The following ZFHX3 variants were observed in gnomAD, a reference collection of about 807,000 sequenced individuals.
ZFHX3 encodes zinc finger homeobox protein 3.
A neutral mutation model predicts 279.1 loss-of-function variants in ZFHX3; 42 were observed. The ratio of observed to expected loss-of-function variants is 0.15; its 90% CI spans 0.12 to 0.19. The LOEUF (loss-of-function observed/expected upper bound fraction) is 0.19. Ranked by LOEUF, ZFHX3 falls within the 10% of genes least tolerant of loss-of-function variation. The pLI is 1.00. For synonymous variants in ZFHX3, 2,293 were observed against 1,957.8 expected (o/e 1.17, Z -4.52); for missense variants, 4,981 against 4,754.0 (o/e 1.05, Z -1.40).
chr16:73,524,872 A>G (rs1396067913), intron 2 of ZFHX3, among the ~76,000 whole-genome samples: 3 of 152,140 alleles, frequency 2.0e-5, no homozygotes, highest in Non-Finnish European at 4.4e-5. Flanking sequence ...CAGAATGAAT[A>G]TTTGCTCTAT....
intron 1 of ZFHX3, among the ~76,000 whole-genome samples, chr16:73,740,927 G>A (rs547039576): frequency 2.6e-5 from 4 of 152,016 alleles, no homozygotes; most frequent in Admixed American, 6.5e-5. Flanking sequence ...CTGATTATGA[G>A]ATGGCCAAAG....
intron 7 of ZFHX3, among the ~76,000 whole-genome samples, chr16:72,801,648 A>G (rs924273003): frequency 6.6e-6 from 1 of 152,208 alleles, no homozygotes; most frequent in African/African-American, 2.4e-5. Flanking sequence ...TGGCAGGTGA[A>G]TGTGTGTGAC....
At chr16:73,240,450 C>T (rs1473886618) in intron 5 of ZFHX3, among the ~76,000 whole-genome samples, 1 of 152,126 alleles carries the variant, frequency 6.6e-6, no homozygotes, top group Non-Finnish European at 1.5e-5. Flanking sequence ...AACTCCTGAC[C>T]TCAAGTGATC....
At chr16:73,046,711 A>G (rs1168698950) in intron 1 of ZFHX3, among the ~76,000 whole-genome samples, 1 of 152,152 alleles carries the variant, frequency 6.6e-6, no homozygotes, top group African/African-American at 2.4e-5. Context: ...AAGCATAGAG[A>G]GAAATAAGAT....
chr16:73,394,233 T>C (rs2143408374), intron 3 of ZFHX3, among the ~76,000 whole-genome samples: 1 of 141,240 alleles, frequency 7.1e-6, no homozygotes, highest in African/African-American at 2.7e-5. Context: ...TGTATCTTTG[T>C]TTTCTGTTTT....
intron 3 of ZFHX3, among the ~76,000 whole-genome samples, chr16:73,431,223 G>A (rs1037097881): frequency 7.3e-6 from 1 of 136,578 alleles, no homozygotes; most frequent in Non-Finnish European, 1.5e-5. Context: ...AATTTTTATG[G>A]GAATCTGTTT....
At chr16:73,377,295 A>G (rs1054089207) in intron 3 of ZFHX3, among the ~76,000 whole-genome samples, 1 of 152,084 alleles carries the variant, frequency 6.6e-6, no homozygotes, top group Non-Finnish European at 1.5e-5. Context: ...GATTGCTGCA[A>G]CAGTGTCCCC....
At position 73,359,895 on chromosome 16, in the gene ZFHX3, G is replaced by T. The variant is rs187070370; in HGVS notation, c.-1290-41559C>A. ...GTATTGATCATGGGGGGTGGTTCAT[G>T]TTAGATGGGATTTTTTTTTTAAATG... On this transcript the variant is annotated intron_variant, in intron 3 of 17. Transcript: ENST00000641206. Among the ~76,000 whole-genome samples, 426 of 124,878 alleles carry T rather than the reference G, an allele frequency of 3.4e-3. 1 individual carries two copies. The highest frequency in any genetic ancestry group is 5.8e-3 in the Non-Finnish European group (299 of 51,950). The allele number at this position is 124,878 out of a possible 152,430, so 81.9% of individuals were successfully genotyped here.
chr16:73,739,382 A>G, intron 1 of ZFHX3, among the ~76,000 whole-genome samples: 1 of 152,148 alleles, frequency 6.6e-6, no homozygotes, highest in South Asian at 2.1e-4. Flanking sequence ...TGTCCTGTGC[A>G]TTACGAGTTA....
At chr16:73,581,436 T>C (rs748351044) in intron 2 of ZFHX3, among the ~76,000 whole-genome samples, 1 of 151,858 alleles carries the variant, frequency 6.6e-6, no homozygotes, top group African/African-American at 2.4e-5. Flanking sequence ...TATTCACATT[T>C]GAAACCAGAT....
rs189869609 is a variant in ZFHX3 at position 72,785,758 on chromosome 16, G to A, written c.*1406C>T. ...TACACAAATGGAAACAAATCCTTTA[G>A]TATAGAAAAAAAAAGAATATTTGAA... On this transcript the variant is annotated 3_prime_UTR_variant, in exon 10 of 10. Transcript: ENST00000268489. 4.7e-4 allele frequency: 70 copies of A among 148,178 alleles called. No homozygotes were observed. The highest frequency in any genetic ancestry group is 1.7e-3 in the African/African-American group (68 of 41,030). The allele number at this position is 148,178 out of a possible 1,614,324, so 9.2% of individuals were successfully genotyped here.
At chr16:73,345,707 G>C (rs1271031657) in intron 3 of ZFHX3, among the ~76,000 whole-genome samples, 1 of 152,148 alleles carries the variant, frequency 6.6e-6, no homozygotes, top group Non-Finnish European at 1.5e-5. Context: ...ACATACAGTT[G>C]CATGTATCTC....
At chr16:73,215,049 T>C (rs1204531484) in intron 5 of ZFHX3, among the ~76,000 whole-genome samples, 1 of 152,096 alleles carries the variant, frequency 6.6e-6, no homozygotes, top group Non-Finnish European at 1.5e-5. Flanking sequence ...CTTAGTTCTT[T>C]GCCATAAATA....
At chr16:72,924,725 T>C (rs1419890947) in intron 3 of ZFHX3, among the ~76,000 whole-genome samples, 1 of 152,244 alleles carries the variant, frequency 6.6e-6, no homozygotes, top group African/African-American at 2.4e-5. Flanking sequence ...TGTGTTAATG[T>C]GTGATTAATT....
intron 3 of ZFHX3, among the ~76,000 whole-genome samples, chr16:73,338,974 C>T (rs1373599914): frequency 6.6e-6 from 1 of 152,200 alleles, no homozygotes; most frequent in African/African-American, 2.4e-5. Flanking sequence ...GTGTCTGTTT[C>T]CCTTGGCCTT....
chr16:73,478,351 A>G (rs2018803612), intron 2 of ZFHX3, among the ~76,000 whole-genome samples: 1 of 152,014 alleles, frequency 6.6e-6, no homozygotes, highest in Admixed American at 6.6e-5. Flanking sequence ...GGACCCTCAG[A>G]TTAAAAGTCT....
At chr16:73,603,297 GAAAGAAAAGA>G (rs200805063) in intron 2 of ZFHX3, among the ~76,000 whole-genome samples, 5,634 of 149,134 alleles carry the variant, frequency 0.038, 353 homozygotes, top group African/African-American at 0.13. Context: ...AAAAAAAAAA[GAAAGAAAAGA>G]AAAGAAAAAA....
chr16:73,570,001 T>C (rs901832151), intron 2 of ZFHX3, among the ~76,000 whole-genome samples: 3 of 152,318 alleles, frequency 2.0e-5, no homozygotes, highest in African/African-American at 7.2e-5. Context: ...TTCCCAAGCT[T>C]TCCTTAAAAA....
At chr16:73,642,061 AGGCAGCTGCTTAAAGAGGGAAGGT>A (rs373158807) in intron 2 of ZFHX3, among the ~76,000 whole-genome samples, 7 of 152,210 alleles carry the variant, frequency 4.6e-5, no homozygotes, top group African/African-American at 1.7e-4. Context: ...TTTCTCTTTA[AGGCAGCTGCTTAAAGAGGGAAGGT>A]GGTCCGTGGC....
Sources: gnomAD v4.1 joint callset for allele counts (sites outside exome capture counted in the v4.1 genomes callset) on GRCh38, gnomAD v4.1.1 for gene constraint, MANE v1.5 for transcripts, NCBI Gene and HGNC (gene_info 2026-07-23, HGNC 2026-07-21) for gene names.